The following VTA1 variants were observed in gnomAD, a reference collection of about 807,000 sequenced individuals.
VTA1 encodes vesicle trafficking 1, also known as vacuolar protein sorting-associated protein VTA1 homolog.
A neutral mutation model predicts 36.9 loss-of-function variants in VTA1; 24 were observed. That is an observed-to-expected ratio of 0.65 (90% CI 0.47 to 0.91). VTA1 has a LOEUF of 0.91. VTA1 is among the 40% of genes least tolerant of loss of function. The pLI is 0.00. For missense variants in VTA1, 393 were observed against 377.2 expected (o/e 1.04, Z -0.35); for synonymous variants, 142 against 130.2 (o/e 1.09, Z -0.62).
intron 7 of VTA1, among the ~76,000 whole-genome samples, chr6:142,213,862 T>G (rs960280116): frequency 6.6e-6 from 1 of 152,178 alleles, no homozygotes; most frequent in Non-Finnish European, 1.5e-5. Context: ...CTCCAACCTG[T>G]GATGGCGGGG....
In VTA1 at chr6:142,218,461, ATT is replaced by A. The variant is rs370534244; in HGVS notation, c.779-36_779-35del. 3,326 of 1,603,216 alleles carry A rather than the reference ATT, an allele frequency of 2.1e-3. 8 individuals are homozygous for A. The highest frequency in any genetic ancestry group is 5.2e-3 in the Middle Eastern group (25 of 4,794). On this transcript the variant is annotated intron_variant, in intron 7 of 7. Transcript: ENST00000367630. ...CCCAACCTTACAGAACACTTTTTAT[ATT>A]CTTATAAATATCCCAATTGTTCTTT...
In VTA1 at chr6:142,167,380, TAC is replaced by T. The variant is rs201072250; in HGVS notation, c.207+1060_207+1061del. On this transcript the variant is annotated intron_variant, in intron 2 of 7. Coordinates refer to ENST00000367630, the MANE Select transcript of VTA1 (RefSeq NM_016485.5). ...ATTAATTCATCTCCTCCAAGACTGT[TAC>T]ATTAATAGTCGTGACTTACTTTTTA... is the stretch of plus-strand genomic sequence containing the variant. 6.6e-4 allele frequency among the ~76,000 whole-genome samples: 101 copies of T among 152,330 alleles called. 2 individuals carry two copies. The East Asian group carries it at 0.018, about 28-fold the overall frequency.
chr6:142,190,611 A>G (rs1405521553), intron 5 of VTA1, among the ~76,000 whole-genome samples: 2 of 152,222 alleles, frequency 1.3e-5, no homozygotes, highest in Non-Finnish European at 2.9e-5. Flanking sequence ...GACGTAGTAA[A>G]TAGATGGTTA....
chr6:142,197,086 T>C (rs1775565987), intron 5 of VTA1, among the ~76,000 whole-genome samples: 1 of 152,184 alleles, frequency 6.6e-6, no homozygotes, highest in South Asian at 2.1e-4. Flanking sequence ...CTGGTAAGAT[T>C]TCCTCTTACC....
intron 4 of VTA1, among the ~76,000 whole-genome samples, chr6:142,186,770 G>GGCT (rs1775347052): frequency 1.3e-5 from 2 of 151,814 alleles, no homozygotes; most frequent in Non-Finnish European, 2.9e-5. Context: ...ATAAATTTAA[G>GGCT]AATAATAAAT....
chr6:142,216,035 A>G (rs536464935), intron 7 of VTA1, among the ~76,000 whole-genome samples: 57 of 152,296 alleles, frequency 3.7e-4, no homozygotes, highest in Non-Finnish European at 7.5e-4. Context: ...AGAGAGATAT[A>G]TTAGACAACC....
At chr6:142,170,097 T>C (rs1230475558) in intron 3 of VTA1, among the ~76,000 whole-genome samples, 1 of 152,186 alleles carries the variant, frequency 6.6e-6, no homozygotes, top group African/African-American at 2.4e-5. Context: ...TAATTACATT[T>C]TTCTAAAGTC....
chr6:142,183,790 A>G (rs917829304), intron 4 of VTA1, among the ~76,000 whole-genome samples: 3 of 152,238 alleles, frequency 2.0e-5, no homozygotes, highest in African/African-American at 7.2e-5. Context: ...AATTTCTGCT[A>G]AATAGTATAT....
At chr6:142,196,052 A>G (rs1216408563) in intron 5 of VTA1, among the ~76,000 whole-genome samples, 1 of 152,122 alleles carries the variant, frequency 6.6e-6, no homozygotes, top group East Asian at 1.9e-4. Flanking sequence ...TGGTTTTACT[A>G]GTTCTGCCAG....
chr6:142,172,056 G>A (rs571218858), intron 4 of VTA1, among the ~76,000 whole-genome samples: 5 of 152,254 alleles, frequency 3.3e-5, no homozygotes, highest in Admixed American at 1.3e-4. Context: ...CTGTCACCAG[G>A]CTGGAGTGCA....
chr6:142,221,451 A>C lies in VTA1; in HGVS notation c.*2808A>C, dbSNP rs1175627170. ...AGAAATCAGGTCAGAGGGTAAAAGC[A>C]GGAGAAAGGCTGGTGAGGGAGCTAA... is the stretch of plus-strand genomic sequence containing the variant. On this transcript the variant is annotated 3_prime_UTR_variant, in exon 8 of 8. Coordinates refer to ENST00000367630, the MANE Select transcript of VTA1 (RefSeq NM_016485.5). The C allele has an allele frequency of 6.6e-6, 1 of 152,254 alleles. No individual in the cohort carries two copies. The highest frequency in any genetic ancestry group is 2.4e-5 in the African/African-American group (1 of 41,460). The allele number at this position is 152,254 out of a possible 1,614,324, so 9.4% of individuals were successfully genotyped here.
intron 5 of VTA1, among the ~76,000 whole-genome samples, chr6:142,193,941 CATT>C (rs2114669241): frequency 6.6e-6 from 1 of 152,094 alleles, no homozygotes; most frequent in Non-Finnish European, 1.5e-5. Flanking sequence ...ATATTGATGA[CATT>C]ATGCTGATTG....
chr6:142,187,832 C>G (rs565829580), intron 4 of VTA1, among the ~76,000 whole-genome samples: 4 of 151,798 alleles, frequency 2.6e-5, no homozygotes, highest in African/African-American at 9.7e-5. Flanking sequence ...TTATAGAATA[C>G]TCAACTAAGT....
In VTA1 at chr6:142,198,528, A is replaced by G. The variant is rs750827305; in HGVS notation, c.610A>G (p.Met204Val). 1.9e-6 allele frequency: 3 copies of G among 1,614,158 alleles called. No homozygotes were observed. The highest frequency in any genetic ancestry group is 2.5e-6 in the Non-Finnish European group (3 of 1,179,994). The change falls in exon 6 of 8, where the codon ATG (methionine) becomes GTG (valine). Residue 204 changes from methionine (M) to valine (V), a missense_variant. By Grantham distance (21) the Met-to-Val change is conservative. Coordinates refer to ENST00000367630, the MANE Select transcript of VTA1 (RefSeq NM_016485.5). ...ATCTTCAACTTATGACCCAAGCAAC[A>G]TGCCATCAGGCAACTATACTGGAAT... ...SSSSTYDPSN[M>V]PSGNYTGIQI...
At chr6:142,218,387 T>G (rs934241692) in intron 7 of VTA1, 111 bp from the exon 8 acceptor site, 24 of 1,153,598 alleles carry the variant, frequency 2.1e-5, no homozygotes, top group Non-Finnish European at 2.9e-5. Flanking sequence ...AAAACTACTG[T>G]TTTTACATAG....
intron 5 of VTA1, among the ~76,000 whole-genome samples, chr6:142,190,304 A>G (rs1035587923): frequency 2.0e-5 from 3 of 152,188 alleles, no homozygotes; most frequent in Non-Finnish European, 2.9e-5. Context: ...CCAAAACTCA[A>G]GTAAGCATTT....
chr6:142,159,629 G>A (rs542625974), intron 1 of VTA1, among the ~76,000 whole-genome samples: 46 of 151,028 alleles, frequency 3.0e-4, no homozygotes, highest in African/African-American at 1.1e-3. Flanking sequence ...TTTTCCTGCC[G>A]CAGCCTCCCT....
At chr6:142,160,764 CAT>C (rs1263717079) in intron 1 of VTA1, among the ~76,000 whole-genome samples, 2 of 151,944 alleles carry the variant, frequency 1.3e-5, no homozygotes, top group African/African-American at 4.8e-5. Context: ...GGATGATAAC[CAT>C]AGTTACTTCA....
intron 5 of VTA1, among the ~76,000 whole-genome samples, chr6:142,194,441 A>G (rs981057573): frequency 1.3e-5 from 2 of 152,048 alleles, no homozygotes; most frequent in African/African-American, 4.8e-5. Flanking sequence ...TTTCAGCGGT[A>G]TTTTAGATTT....
Sources: allele counts gnomAD v4.1 joint callset (sites outside exome capture counted in the v4.1 genomes callset), GRCh38; gene constraint gnomAD v4.1.1; transcripts MANE v1.5; gene names NCBI Gene and HGNC (gene_info 2026-07-23, HGNC 2026-07-21).